BNIP1: variants seen among roughly 807,000 people sequenced by gnomAD.
The protein encoded by BNIP1 is vesicle transport protein SEC20.
Under a neutral mutation model 28.5 loss-of-function variants are expected in BNIP1, and 25 were observed. That is an observed-to-expected ratio of 0.88 (90% confidence interval 0.64 to 1.23). The LOEUF is 1.23. Among genes scored for constraint, BNIP1 ranks in the 50% most tolerant of loss-of-function variants. BNIP1 has a pLI of 0.00. For missense variants in BNIP1, 276 were observed against 277.0 expected, an observed-to-expected ratio of 1.00 and a Z score of 0.02; for synonymous variants, 118 against 101.7, an observed-to-expected ratio of 1.16 and a Z score of -0.96.
chr5:173,159,979 G>C lies in BNIP1; in HGVS notation c.418G>C (p.Glu140Gln). 6.2e-7 allele frequency: 1 copy of C among 1,614,136 alleles called. No individual in the cohort carries two copies. The highest frequency in any genetic ancestry group is 8.5e-7 in the Non-Finnish European group (1 of 1,180,020). Reference protein sequence around the residue: ...SLAQTSSTITESLMGISRMMA... With the variant: ...SLAQTSSTITQSLMGISRMMA... ...GGCCCAGACATCCAGTACCATCACTGAGAGCCTCATGGGGATCAGCAGGAT... is the reference window on the plus strand; with the variant it reads ...GGCCCAGACATCCAGTACCATCACTCAGAGCCTCATGGGGATCAGCAGGAT... Residue 140 changes from glutamate to glutamine, a missense_variant, in exon 5 of 6, where the codon GAG becomes CAG. Physicochemically the swap from Glu to Gln is conservative, Grantham distance 29 (BLOSUM62 2). Transcript: ENST00000351486.
At chr5:173,153,317 T>C (rs1180602343) in intron 2 of BNIP1, among the ~76,000 whole-genome samples, 1 of 151,784 alleles carries the variant, frequency 6.6e-6, no homozygotes, top group East Asian at 1.9e-4. Context: ...AAGCTCTGCC[T>C]CCCGGGTTCA....
At chr5:173,160,239 C>CTTTTT (rs10693152) in intron 5 of BNIP1, among the ~76,000 whole-genome samples, 188 bp downstream of exon 5, 1 of 145,712 alleles carries the variant, frequency 6.9e-6, no homozygotes, top group Non-Finnish European at 1.5e-5. Context: ...TCCTATTTCT[C>CTTTTT]TTTTTTTTTT....
At chr5:173,156,650 G>GT (rs1252904709) in intron 3 of BNIP1, among the ~76,000 whole-genome samples, 4,842 of 136,332 alleles carry the variant, frequency 0.036, 251 homozygotes, top group African/African-American at 0.11. Context: ...CTTTTCTTTT[G>GT]TTTTTTTTTT....
chr5:173,148,083 A>AATATATATAT (rs70984952), intron 2 of BNIP1, among the ~76,000 whole-genome samples: 2 of 40,298 alleles, frequency 5.0e-5, no homozygotes, highest in Non-Finnish European at 7.7e-5. Flanking sequence ...AAAAAAAAAA[A>AATATATATAT]ATATATATAT....
At chr5:173,152,015 C>G (rs1372084972) in intron 2 of BNIP1, among the ~76,000 whole-genome samples, 2 of 152,284 alleles carry the variant, frequency 1.3e-5, no homozygotes, top group African/African-American at 4.8e-5. Context: ...GCCTCATATC[C>G]TCAAAACTGG....
chr5:173,164,206 A>C lies in BNIP1; in HGVS notation c.*285A>C, dbSNP rs1414872405. 2 of 277,660 alleles carry C rather than the reference A, an allele frequency of 7.2e-6. No individual in the cohort carries two copies. The highest frequency in any genetic ancestry group is 1.3e-4 in the East Asian group (2 of 15,960). The allele number at this position is 277,660 out of a possible 1,614,324, so 17.2% of individuals were successfully genotyped here. A position where few individuals can be genotyped will look rare whatever the true frequency, so the allele number is the denominator to read the frequency against. On this transcript the variant is annotated 3_prime_UTR_variant, in exon 6 of 6. Transcript: ENST00000351486. This position sits in a 1 kb window ranked among gnomAD's most constrained non-coding sequence, Gnocchi z 4.0. ...GAGGCCGCTGCTGCGTGGAGCACTT[A>C]AAGTCCAGCCTCCAGGACCGGATGC...
chr5:173,158,663 G>GT, intron 3 of BNIP1, 81 bp from the exon 4 acceptor site: 2 of 1,159,114 alleles, frequency 1.7e-6, no homozygotes. Flanking sequence ...GTGTGCCTTT[G>GT]TTGGGGGGAA....
intron 4 of BNIP1, among the ~76,000 whole-genome samples, chr5:173,159,684 A>G (rs1760305847): frequency 6.6e-6 from 1 of 152,174 alleles, no homozygotes; most frequent in Non-Finnish European, 1.5e-5. Flanking sequence ...GATTGAGTCA[A>G]AGGAATGAAC....
At chr5:173,145,712 G>GT (rs1180169658) in intron 1 of BNIP1, among the ~76,000 whole-genome samples, 1 of 152,164 alleles carries the variant, frequency 6.6e-6, no homozygotes, top group Non-Finnish European at 1.5e-5. Flanking sequence ...CTAAACCTTG[G>GT]TTTTTAAAAA....
chr5:173,145,412 GT>G (rs1262659351), intron 1 of BNIP1, among the ~76,000 whole-genome samples: 1 of 152,152 alleles, frequency 6.6e-6, no homozygotes, highest in African/African-American at 2.4e-5. Context: ...GTTTGTTTTT[GT>G]TTTTTTGAGA....
At chr5:173,148,153 T>C (rs1759919876) in intron 2 of BNIP1, among the ~76,000 whole-genome samples, 1 of 130,774 alleles carries the variant, frequency 7.6e-6, no homozygotes, top group East Asian at 2.4e-4. Context: ...TAGAGATGGA[T>C]TTTTTGCTCT....
chr5:173,147,863 G>A (rs1343313456), intron 2 of BNIP1, among the ~76,000 whole-genome samples: 2 of 150,966 alleles, frequency 1.3e-5, no homozygotes, highest in Non-Finnish European at 2.9e-5. Flanking sequence ...CCAGTAGTTT[G>A]AGAACAGCCT....
At chr5:173,160,299 A>T (rs530661176) in intron 5 of BNIP1, among the ~76,000 whole-genome samples, 1 of 148,878 alleles carries the variant, frequency 6.7e-6, no homozygotes, top group Non-Finnish European at 1.5e-5. Flanking sequence ...CAATGGTGCG[A>T]TCTCAGCTCA....
chr5:173,163,309 G>C (rs911282052), intron 5 of BNIP1, among the ~76,000 whole-genome samples: 1 of 152,340 alleles, frequency 6.6e-6, no homozygotes, highest in African/African-American at 2.4e-5. Flanking sequence ...CCTGGAGGCC[G>C]CACCTCATAG....
At chr5:173,160,149 A>G in intron 5 of BNIP1, 98 bp downstream of exon 5, 2 of 1,086,296 alleles carry the variant, frequency 1.8e-6, no homozygotes, top group Non-Finnish European at 2.7e-6. Context: ...CACAGCCCAC[A>G]CGATGTTCAC....
intron 2 of BNIP1, among the ~76,000 whole-genome samples, chr5:173,153,266 C>T (rs559683839): frequency 6.6e-5 from 10 of 151,242 alleles, no homozygotes; most frequent in African/African-American, 9.7e-5. Flanking sequence ...CTCTCTCTGT[C>T]GCCCAGGCTG....
chr5:173,145,613 C>G (rs376251641), intron 1 of BNIP1, among the ~76,000 whole-genome samples: 2 of 152,210 alleles, frequency 1.3e-5, no homozygotes, highest in Admixed American at 1.3e-4. Context: ...CCGTGTTAGC[C>G]AGGATGGTCT....
chr5:173,155,646 C>T (rs1168141378), intron 3 of BNIP1, among the ~76,000 whole-genome samples: 4 of 151,806 alleles, frequency 2.6e-5, no homozygotes, highest in African/African-American at 7.3e-5. Flanking sequence ...TGCAGTGAGC[C>T]GAGATTGCTG....
At chr5:173,155,278 CTT>C (rs1429039941) in intron 3 of BNIP1, among the ~76,000 whole-genome samples, 1 of 152,172 alleles carries the variant, frequency 6.6e-6, no homozygotes, top group Non-Finnish European at 1.5e-5. Flanking sequence ...AGAGGTTTAA[CTT>C]TTCCAATGAA....
Sources: gnomAD v4.1 joint callset for allele counts (sites outside exome capture counted in the v4.1 genomes callset) on GRCh38, gnomAD v4.1.1 for gene constraint, Gnocchi (gnomAD v3.1) non-coding constraint, MANE v1.5 for transcripts, NCBI Gene and HGNC (gene_info 2026-07-23, HGNC 2026-07-21) for gene names.